The following SMAD2 variants were observed in gnomAD, a reference collection of about 807,000 sequenced individuals.
SMAD2 encodes the protein MAD homolog 2.
Under a neutral mutation model 64.4 loss-of-function variants are expected in SMAD2, and 8 were observed. That is an observed-to-expected ratio of 0.12 (90% CI 0.07 to 0.22). The LOEUF (loss-of-function observed/expected upper bound fraction) is 0.22, where lower values mean the gene tolerates loss of function less well. Among genes scored for constraint, SMAD2 ranks in the 10% least tolerant of loss-of-function variants. The probability of loss-of-function intolerance (pLI) is 1.00; values close to 1 mark genes in which losing one functional copy is unlikely to be tolerated. For missense variants in SMAD2, 289 were observed against 561.2 expected, an observed-to-expected ratio of 0.51 and a Z score of 4.90; for synonymous variants, 203 against 195.8, an observed-to-expected ratio of 1.04 and a Z score of -0.31.
rs1423196939 is a variant in SMAD2, at chr18:47,810,723, C to G, written c.*31104G>C. ...GCTGAGGTGGGAGGATCACTTGGGC[C>G]CAGGAGTTTAAGACCAGGCTGGGCA... On this transcript the variant is annotated 3_prime_UTR_variant, in exon 11 of 11. Coordinates refer to ENST00000262160, the MANE Select transcript of SMAD2 (RefSeq NM_005901.6). 1 of 151,514 alleles carries G rather than the reference C, an allele frequency of 6.6e-6. No homozygotes were observed. Among genetic ancestry groups the G allele is most frequent in the African/African-American group, 2.4e-5 (1 of 41,180 alleles). 9.4% of individuals were successfully genotyped at this position (151,514 alleles called of 1,614,324 possible). A position where few individuals can be genotyped will look rare whatever the true frequency, so the allele number is the denominator to read the frequency against.
At chr18:47,870,704 C>CT (rs1201197811) in intron 2 of SMAD2, 140 bp from the exon 3 acceptor site, 5 of 717,898 alleles carry the variant, frequency 7.0e-6, no homozygotes, top group Non-Finnish European at 1.3e-5. Context: ...TTTTCACAGG[C>CT]ATGTAGTGCT....
At chr18:47,868,589 A>G (rs972108234) in intron 4 of SMAD2, 132 bp from the exon 5 acceptor site, 6 of 683,712 alleles carry the variant, frequency 8.8e-6, no homozygotes, top group Non-Finnish European at 1.5e-5. Context: ...CTCGATATAT[A>G]CTAGTTACTG....
intron 8 of SMAD2, among the ~76,000 whole-genome samples, chr18:47,848,111 A>G (rs1345420248): frequency 6.6e-6 from 1 of 151,622 alleles, no homozygotes. Flanking sequence ...AAAGAAACTG[A>G]AAAAAAACAA....
chr18:47,882,992 GCTCT>G (rs914877254), intron 2 of SMAD2, among the ~76,000 whole-genome samples: 5 of 152,110 alleles, frequency 3.3e-5, no homozygotes, highest in Non-Finnish European at 5.9e-5. Context: ...GTGATTGTGG[GCTCT>G]CTGTCTTTTT....
rs1311099382 is a variant in SMAD2, at chr18:47,930,565, T to TAGGGGAAGAGAGGGGAGGGG, written c.-278_-259dup. On this transcript the variant is annotated 5_prime_UTR_variant, in exon 1 of 11. Coordinates refer to ENST00000262160, the MANE Select transcript of SMAD2 (RefSeq NM_005901.6). The stretch of plus-strand genomic sequence containing the variant: ...CCGGCGGCCCGGGCGCGCGGGAGGG[T>TAGGGGAAGAGAGGGGAGGGG]AGGGGAAGAGAGGGGAGGGGAGGGG... The TAGGGGAAGAGAGGGGAGGGG allele has an allele frequency of 5.4e-5, 6 of 111,540 alleles. No homozygotes were observed. Among genetic ancestry groups the TAGGGGAAGAGAGGGGAGGGG allele is most frequent in the Non-Finnish European group, 7.6e-5 (4 of 52,974 alleles). 6.9% of individuals were successfully genotyped at this position (111,540 alleles called of 1,614,324 possible).
intron 2 of SMAD2, among the ~76,000 whole-genome samples, chr18:47,877,965 G>A (rs977796091): frequency 1.3e-5 from 2 of 152,092 alleles, no homozygotes; most frequent in African/African-American, 4.8e-5. Flanking sequence ...GTTTAACAGG[G>A]TCCTTAACTG....
chr18:47,826,286 C>G lies in SMAD2; in HGVS notation c.*15541G>C, dbSNP rs1314013125. 1 of 152,254 alleles carries G rather than the reference C, an allele frequency of 6.6e-6. No homozygotes were observed. The highest frequency in any genetic ancestry group is 1.9e-4 in the East Asian group (1 of 5,194). 9.4% of individuals were successfully genotyped at this position (152,254 alleles called of 1,614,324 possible). Reference sequence around the variant, plus strand: ...TTTGCTGGCAAACCAGTACAGTAACCTGTTAAATACAAAGCAAGGGTGTGG... The same window carrying G: ...TTTGCTGGCAAACCAGTACAGTAACGTGTTAAATACAAAGCAAGGGTGTGG... On this transcript the variant is annotated 3_prime_UTR_variant, in exon 11 of 11. Coordinates refer to ENST00000262160, the MANE Select transcript of SMAD2 (RefSeq NM_005901.6).
rs1218494697 is a variant in SMAD2 at position 47,826,090 on chromosome 18, C to CTTT, written c.*15736_*15737insAAA. ...TCATGTGATAATGGCCAGGAGCAAC[C>CTTT]ACAATGATTAACCTTTAGATAGAAA... On this transcript the variant is annotated 3_prime_UTR_variant, in exon 11 of 11. Transcript: ENST00000262160. 1 of 152,206 alleles carries CTTT rather than the reference C, an allele frequency of 6.6e-6. No homozygotes were observed. Among genetic ancestry groups the CTTT allele is most frequent in the Non-Finnish European group, 1.5e-5 (1 of 68,052 alleles). 9.4% of individuals were successfully genotyped at this position (152,206 alleles called of 1,614,324 possible). A position where few individuals can be genotyped will look rare whatever the true frequency, so the allele number is the denominator to read the frequency against.
intron 2 of SMAD2, among the ~76,000 whole-genome samples, chr18:47,887,631 G>T (rs1033181767): frequency 4.6e-5 from 7 of 152,120 alleles, no homozygotes; most frequent in Admixed American, 3.9e-4. Flanking sequence ...GTCCATGGGG[G>T]TAATTCTTCC....
intron 10 of SMAD2, chr18:47,845,079 CATATA>C: frequency 1.7e-6 from 1 of 602,482 alleles, no homozygotes; most frequent in Non-Finnish European, 2.9e-6. Flanking sequence ...CATAACCCTT[CATATA>C]CACCCCTTTT....
At position 47,913,707 on chromosome 18, in the gene SMAD2, GA is replaced by G. The variant is rs1186526941; in HGVS notation, c.-54+16653del. On this transcript the variant is annotated intron_variant, in intron 1 of 10. Transcript: ENST00000262160. The stretch of plus-strand genomic sequence containing the variant: ...AATGTGTTCCAGGTTAAAAACAAAT[GA>G]AATACAAAAAAGAAAACTAGATTTA... 4.6e-5 allele frequency among the ~76,000 whole-genome samples: 7 copies of G among 152,186 alleles called. No homozygotes were observed. The East Asian group carries it at 1.4e-3, about 29-fold the overall frequency.
intron 6 of SMAD2, among the ~76,000 whole-genome samples, chr18:47,854,676 G>T (rs907062362): frequency 4.0e-5 from 6 of 151,728 alleles, no homozygotes; most frequent in African/African-American, 1.5e-4. Context: ...ATCTTTTAAG[G>T]TGACATTAAA....
At chr18:47,882,669 TTC>T (rs2032676439) in intron 2 of SMAD2, among the ~76,000 whole-genome samples, 2 of 152,330 alleles carry the variant, frequency 1.3e-5, no homozygotes, top group Non-Finnish European at 2.9e-5. Context: ...AACAACATTT[TTC>T]TGAGTTTATT....
At chr18:47,857,247 T>G (rs1000557424) in intron 6 of SMAD2, among the ~76,000 whole-genome samples, 1 of 152,220 alleles carries the variant, frequency 6.6e-6, no homozygotes, top group Non-Finnish European at 1.5e-5. Context: ...AATAAGAGAT[T>G]AAGCTTCCCT....
At chr18:47,926,715 A>G (rs2034781322) in intron 1 of SMAD2, among the ~76,000 whole-genome samples, 1 of 152,184 alleles carries the variant, frequency 6.6e-6, no homozygotes, top group African/African-American at 2.4e-5. Context: ...TTTGTTGTTC[A>G]TTGTCTGCTT....
chr18:47,845,624 GT>G, intron 9 of SMAD2, 38 bp downstream of exon 9: 1 of 1,610,926 alleles, frequency 6.2e-7, no homozygotes, highest in Non-Finnish European at 8.5e-7. Flanking sequence ...AACTAAGCAA[GT>G]TGACATGATA....
chr18:47,904,418 G>C (rs2033822022), intron 1 of SMAD2, among the ~76,000 whole-genome samples: 2 of 151,772 alleles, frequency 1.3e-5, no homozygotes, highest in Admixed American at 1.3e-4. Flanking sequence ...ACACAAACAT[G>C]CCTTTCACTC....
intron 2 of SMAD2, among the ~76,000 whole-genome samples, chr18:47,890,142 C>A (rs189976329): frequency 6.6e-6 from 1 of 152,272 alleles, no homozygotes; most frequent in East Asian, 1.9e-4. Flanking sequence ...AATGTAGGCA[C>A]CAGATAAGGT....
At chr18:47,929,176 T>C (rs1367666944) in intron 1 of SMAD2, among the ~76,000 whole-genome samples, 1 of 152,244 alleles carries the variant, frequency 6.6e-6, no homozygotes, top group Non-Finnish European at 1.5e-5. Context: ...TCTGCTTCAC[T>C]AATTCATGTA....
Sources: allele counts gnomAD v4.1 joint callset (sites outside exome capture counted in the v4.1 genomes callset), GRCh38; gene constraint gnomAD v4.1.1; transcripts MANE v1.5; gene names NCBI Gene and HGNC (gene_info 2026-07-23, HGNC 2026-07-21).